SNX3: variants seen among roughly 807,000 people sequenced by gnomAD.
SNX3 encodes sorting nexin-3.
In SNX3, 5 loss-of-function variants were observed where a neutral mutation model predicts 17.7. That is an observed-to-expected ratio of 0.28 (90% confidence interval 0.15 to 0.59). The LOEUF (loss-of-function observed/expected upper bound fraction) is 0.59. SNX3 is among the 20% of genes least tolerant of loss of function. The probability of loss-of-function intolerance (pLI) is 0.88; values close to 1 mark genes in which losing one functional copy is unlikely to be tolerated. For synonymous variants in SNX3, 91 were observed against 76.5 expected (o/e 1.19, Z -0.99); for missense variants, 132 against 206.8 (o/e 0.64, Z 2.22).
In SNX3 at chr6:108,237,617, C is replaced by T. The variant is rs140957653; in HGVS notation, c.163-14572G>A. Among the ~76,000 whole-genome samples the T allele has an allele frequency of 2.7e-3, 418 of 152,164 alleles. 3 individuals carry two copies. Among genetic ancestry groups the T allele is most frequent in the African/African-American group, 9.7e-3 (404 of 41,516 alleles). On this transcript the variant is annotated intron_variant, in intron 1 of 3. Coordinates refer to ENST00000230085, the MANE Select transcript of SNX3 (RefSeq NM_003795.6). ...CCAGCCTGGCTAACATGGTGAAGCCCCACCTCTACTAAAAATACAAAAATT... is the reference window on the plus strand; with the variant it reads ...CCAGCCTGGCTAACATGGTGAAGCCTCACCTCTACTAAAAATACAAAAATT...
At chr6:108,218,419 T>C (rs1000083241) in intron 2 of SNX3, among the ~76,000 whole-genome samples, 14 of 152,208 alleles carry the variant, frequency 9.2e-5, no homozygotes, top group African/African-American at 3.1e-4. Flanking sequence ...AACCTCACAT[T>C]GCTGGTAAGA....
chr6:108,238,859 G>A (rs1775433597), intron 1 of SNX3, among the ~76,000 whole-genome samples: 1 of 151,620 alleles, frequency 6.6e-6, no homozygotes, highest in Admixed American at 6.6e-5. Flanking sequence ...TATTTGCTTT[G>A]TACCAATGAT....
At chr6:108,246,575 C>T (rs1775698891) in intron 1 of SNX3, among the ~76,000 whole-genome samples, 1 of 151,716 alleles carries the variant, frequency 6.6e-6, no homozygotes, top group South Asian at 2.1e-4. Context: ...GGTGATCCAC[C>T]CGCCTCCACC....
intron 1 of SNX3, among the ~76,000 whole-genome samples, chr6:108,253,876 A>G (rs1264416577): frequency 1.3e-5 from 2 of 152,098 alleles, no homozygotes; most frequent in Non-Finnish European, 2.9e-5. Flanking sequence ...CTGTAATTCC[A>G]GCACTTTGGG....
In SNX3 at chr6:108,260,992, T is replaced by G; in HGVS notation, c.-71A>C. On this transcript the variant is annotated 5_prime_UTR_variant, in exon 1 of 4. Coordinates refer to ENST00000230085, the MANE Select transcript of SNX3 (RefSeq NM_003795.6). ...CGCGTTCAGCCGCCGCCGCCGCCGC[T>G]GCTGCCCGCCGTGGGGACACGGGGC... 1 of 1,369,436 alleles carries G rather than the reference T, an allele frequency of 7.3e-7. No homozygotes were observed. The highest frequency in any genetic ancestry group is 9.5e-7 in the Non-Finnish European group (1 of 1,053,602). 84.8% of individuals were successfully genotyped at this position (1,369,436 alleles called of 1,614,324 possible).
intron 3 of SNX3, among the ~76,000 whole-genome samples, chr6:108,213,502 A>G (rs1372598697): frequency 6.6e-6 from 1 of 152,020 alleles, no homozygotes; most frequent in African/African-American, 2.4e-5. Flanking sequence ...AAATACAAAA[A>G]TAAGCCAGAC....
At chr6:108,254,611 T>C (rs753247326) in intron 1 of SNX3, among the ~76,000 whole-genome samples, 19 of 152,204 alleles carry the variant, frequency 1.2e-4, no homozygotes, top group Non-Finnish European at 8.8e-5. Context: ...GTGTTGGATA[T>C]TGAGTAAGGG....
At chr6:108,248,763 CCTTT>C (rs1267460482) in intron 1 of SNX3, among the ~76,000 whole-genome samples, 6 of 152,008 alleles carry the variant, frequency 3.9e-5, no homozygotes, top group South Asian at 2.1e-4. Context: ...TTAATTCCTT[CCTTT>C]CTTTTTTTTT....
At chr6:108,232,670 T>C (rs973955730) in intron 1 of SNX3, among the ~76,000 whole-genome samples, 2 of 152,210 alleles carry the variant, frequency 1.3e-5, no homozygotes, top group Non-Finnish European at 2.9e-5. Context: ...ACATCAAAAG[T>C]ATATTCAATA....
At chr6:108,218,909 T>C (rs976464475) in intron 2 of SNX3, among the ~76,000 whole-genome samples, 1 of 152,220 alleles carries the variant, frequency 6.6e-6, no homozygotes, top group African/African-American at 2.4e-5. Flanking sequence ...GTTTCTTTTA[T>C]TGGGTGATAA....
chr6:108,244,200 G>C (rs1250971641), intron 1 of SNX3, among the ~76,000 whole-genome samples: 1 of 152,012 alleles, frequency 6.6e-6, no homozygotes, highest in African/African-American at 2.4e-5. Flanking sequence ...CTGTCACCCA[G>C]GCTGGAGTGC....
chr6:108,226,531 G>A (rs1774978756), intron 1 of SNX3, among the ~76,000 whole-genome samples: 2 of 152,086 alleles, frequency 1.3e-5, no homozygotes, highest in South Asian at 4.1e-4. Context: ...GAACTAATTA[G>A]CACAGAATTT....
intron 1 of SNX3, among the ~76,000 whole-genome samples, chr6:108,248,708 T>C (rs982189285): frequency 6.6e-6 from 1 of 152,192 alleles, no homozygotes; most frequent in Non-Finnish European, 1.5e-5. Flanking sequence ...CAATTCACTA[T>C]GTTGTCCCAT....
chr6:108,237,663 G>T (rs1450701629), intron 1 of SNX3, among the ~76,000 whole-genome samples: 1 of 151,990 alleles, frequency 6.6e-6, no homozygotes, highest in Non-Finnish European at 1.5e-5. Context: ...GGTGGTGAGC[G>T]CCTGTAATCC....
At chr6:108,250,209 C>T (rs1293680626) in intron 1 of SNX3, among the ~76,000 whole-genome samples, 3 of 152,178 alleles carry the variant, frequency 2.0e-5, no homozygotes, top group Non-Finnish European at 4.4e-5. Context: ...CCATGCCCGG[C>T]CTCATGTTTT....
intron 1 of SNX3, among the ~76,000 whole-genome samples, chr6:108,236,679 T>C (rs600586): frequency 0.27 from 40,791 of 151,936 alleles, 7,855 homozygotes; most frequent in African/African-American, 0.53. Flanking sequence ...TGAGCCACCG[T>C]GCCCGGCTTC....
rs988157571 is a variant in SNX3, at chr6:108,222,377, T to C, written c.258+573A>G. Reference sequence around the variant, plus strand: ...CTTTAATTTATTTTGATGCCAAAGCTACCAAATTCTATTCTAAGAGAAGAT... The same window carrying C: ...CTTTAATTTATTTTGATGCCAAAGCCACCAAATTCTATTCTAAGAGAAGAT... On this transcript the variant is annotated intron_variant, in intron 2 of 3. Transcript: ENST00000230085. 3 of 1,293,764 alleles carry C rather than the reference T, an allele frequency of 2.3e-6. No individual in the cohort carries two copies. The African/African-American group carries it at 4.6e-5, about 20-fold the overall frequency. 80.1% of individuals were successfully genotyped at this position (1,293,764 alleles called of 1,614,324 possible). A position where few individuals can be genotyped will look rare whatever the true frequency, so the allele number is the denominator to read the frequency against.
chr6:108,236,340 A>G (rs544557506), intron 1 of SNX3, among the ~76,000 whole-genome samples: 4 of 148,702 alleles, frequency 2.7e-5, no homozygotes, highest in African/African-American at 9.8e-5. Context: ...CTTTATATAT[A>G]TATATATAAA....
intron 1 of SNX3, among the ~76,000 whole-genome samples, chr6:108,237,720 C>T (rs754914916): frequency 9.9e-5 from 15 of 151,304 alleles, no homozygotes; most frequent in Non-Finnish European, 1.9e-4. Context: ...ACCAGGGAGG[C>T]GGAGATTGCA....
Sources: allele counts gnomAD v4.1 joint callset (sites outside exome capture counted in the v4.1 genomes callset), GRCh38; gene constraint gnomAD v4.1.1; transcripts MANE v1.5; gene names NCBI Gene and HGNC (gene_info 2026-07-23, HGNC 2026-07-21).